The following RABL6 variants were observed in gnomAD, a reference collection of about 807,000 sequenced individuals.
RABL6 encodes the protein RAB, member RAS oncogene family like 6.
In RABL6, 28 loss-of-function variants were observed where a neutral mutation model predicts 72.9. That is an observed-to-expected ratio of 0.38 (90% confidence interval 0.28 to 0.53). The LOEUF is 0.53. RABL6 is among the 20% of genes least tolerant of loss of function. RABL6 has a pLI of 0.80. For missense variants in RABL6, 1,029 were observed against 1,008.4 expected, an observed-to-expected ratio of 1.02 and a Z score of -0.28; for synonymous variants, 477 against 421.2, an observed-to-expected ratio of 1.13 and a Z score of -1.62.
Position 136,839,715 on chromosome 9 carries a change from G to C in RABL6, c.1780G>C (p.Asp594His). The change falls in exon 13 of 15, where the codon GAC (aspartate) becomes CAC (histidine). Residue 594 changes from aspartate (D) to histidine (H), a missense_variant. Coordinates refer to ENST00000311502, the MANE Select transcript of RABL6 (RefSeq NM_024718.5). ...RRADDFPVRD[D>H]PSDVTDEDEG... ...CCAGGATGACTTTCCCGTGCGAGAT[G>C]ACCCCTCCGATGTGACTGACGAGGA... The C allele has an allele frequency of 1.3e-6, 2 of 1,595,554 alleles. No individual in the cohort carries two copies. Among genetic ancestry groups the C allele is most frequent in the Non-Finnish European group, 1.7e-6 (2 of 1,168,612 alleles).
chr9:136,820,013 G>A (rs1386390997), intron 1 of RABL6, among the ~76,000 whole-genome samples: 4 of 152,060 alleles, frequency 2.6e-5, no homozygotes, highest in Non-Finnish European at 5.9e-5. Context: ...GACCAGCCCG[G>A]GCAAAATGGT....
chr9:136,828,269 T>TCCTGTCCAGGCCCGGC (rs1295741950), intron 3 of RABL6: 5 of 541,800 alleles, frequency 9.2e-6, no homozygotes, highest in African/African-American at 7.6e-5. Context: ...AACTAGCACC[T>TCCTGTCCAGGCCCGGC]CCTGTCCAGG....
chr9:136,809,011 C>T (rs976323268), intron 1 of RABL6: 3 of 152,176 alleles, frequency 2.0e-5, no homozygotes, highest in Admixed American at 6.5e-5. Flanking sequence ...TGTAAATTGT[C>T]CTCGACCTCT....
chr9:136,839,225 C>T lies in RABL6; in HGVS notation c.1497C>T (p.Ser499=), dbSNP rs1435753032. The T allele has an allele frequency of 1.1e-5, 18 of 1,598,350 alleles. No individual in the cohort carries two copies. Among genetic ancestry groups the T allele is most frequent in the Non-Finnish European group, 1.4e-5 (17 of 1,172,670 alleles). The change falls in exon 12 of 15, where the codon TCC becomes TCT. Residue 499 remains serine (S), a synonymous_variant. Coordinates refer to ENST00000311502, the MANE Select transcript of RABL6 (RefSeq NM_024718.5). ...GACCCTCTGCTTGTCCACAAAGGTCCTCCATACCAGCTTCGAAGCCACGGA... is the reference window on the plus strand; with the variant it reads ...GACCCTCTGCTTGTCCACAAAGGTCTTCCATACCAGCTTCGAAGCCACGGA... The part of the protein sequence containing the change: ...QQCSEPETKW[S]SIPASKPRRG...
At chr9:136,839,655 G>A (rs1247167436) in intron 12 of RABL6, 39 bp from the exon 13 acceptor site, 1 of 1,554,724 alleles carries the variant, frequency 6.4e-7, no homozygotes, top group Non-Finnish European at 8.7e-7. Flanking sequence ...GGGGGTGTGG[G>A]AGGGATGATG....
At position 136,837,561 on chromosome 9, in the gene RABL6, T is replaced by G; in HGVS notation, c.1025T>G (p.Leu342Arg). The G allele has an allele frequency of 6.5e-7, 1 of 1,535,578 alleles. No homozygotes were observed. Among genetic ancestry groups the G allele is most frequent in the Non-Finnish European group, 8.7e-7 (1 of 1,144,598 alleles). ...SVPPVPPSEA[L>R]PPPACPSAPA... The stretch of plus-strand genomic sequence containing the variant: ...CCCCCTGTACCACCCTCAGAGGCCC[T>G]GCCCCCACCTGCGTGCCCCTCAGCC... Residue 342 changes from leucine (L) to arginine (R), a missense_variant, in exon 9 of 15, where the codon CTG becomes CGG. By Grantham distance (102) the Leu-to-Arg change is moderately radical (BLOSUM62 -2). Coordinates refer to ENST00000311502, the MANE Select transcript of RABL6 (RefSeq NM_024718.5).
At chr9:136,830,395 T>C (rs563999306) in intron 5 of RABL6, among the ~76,000 whole-genome samples, 1 of 152,318 alleles carries the variant, frequency 6.6e-6, no homozygotes, top group East Asian at 1.9e-4. Flanking sequence ...CTCCCAGCCT[T>C]CAGCACCACC....
At chr9:136,835,536 TGCC>T in intron 7 of RABL6, 1 of 537,152 alleles carries the variant, frequency 1.9e-6, no homozygotes, top group South Asian at 2.6e-5. Context: ...GTAGGTGTCG[TGCC>T]GGCCACCGCA....
rs1291390415 is a variant in RABL6 at position 136,818,372 on chromosome 9, A to C, written c.131-5153A>C. On this transcript the variant is annotated intron_variant, in intron 1 of 14. Transcript: ENST00000311502. ...AACCAGACTCTGTCTCAAAAAAAAA[A>C]AAAAAAAAAAAAAAAAAAAAAAAAA... Among the ~76,000 whole-genome samples the C allele has an allele frequency of 1.5e-4, 3 of 19,916 alleles. 1 individual carries two copies. Among genetic ancestry groups the C allele is most frequent in the South Asian group, 4.4e-3 (2 of 452 alleles). The allele number at this position is 19,916 out of a possible 152,430, so 13.1% of individuals were successfully genotyped here.
rs1032414348 is a variant in RABL6 at position 136,839,969 on chromosome 9, G to C, written c.1930+104G>C. On this transcript the variant is annotated intron_variant, in intron 13 of 14. Coordinates refer to ENST00000311502, the MANE Select transcript of RABL6 (RefSeq NM_024718.5). ...GGCCGGGGTCCTCTCCTGAGTCCAG[G>C]ATGCTGTGCCATGCTCCTGGCAGCC... 3 of 1,510,028 alleles carry C rather than the reference G, an allele frequency of 2.0e-6. No individual in the cohort carries two copies. The African/African-American group carries it at 4.1e-5, about 21-fold the overall frequency. 93.5% of individuals were successfully genotyped at this position (1,510,028 alleles called of 1,614,324 possible).
intron 9 of RABL6, 63 bp downstream of exon 9, chr9:136,837,725 C>A: frequency 4.5e-6 from 7 of 1,545,714 alleles, no homozygotes; most frequent in Non-Finnish European, 6.1e-6. Context: ...CAGGTGGGGT[C>A]CTGGATTTCG....
intron 1 of RABL6, among the ~76,000 whole-genome samples, chr9:136,811,147 G>A (rs1351515216): frequency 3.9e-5 from 6 of 152,208 alleles, no homozygotes; most frequent in Admixed American, 1.3e-4. Context: ...ACCATGGCTC[G>A]TGACATAGCC....
At chr9:136,836,943 G>C in intron 8 of RABL6, 1 of 327,070 alleles carries the variant, frequency 3.1e-6, no homozygotes, top group Non-Finnish European at 6.0e-6. Context: ...GTGTGATCTC[G>C]GCTCACCGCA....
At chr9:136,820,200 C>CAAAAAAAAA (rs34975162) in intron 1 of RABL6, among the ~76,000 whole-genome samples, 1 of 77,848 alleles carries the variant, frequency 1.3e-5, no homozygotes. Context: ...CTCCATCTTC[C>CAAAAAAAAA]AAAAAAAAAA....
At chr9:136,822,033 G>A (rs1256028453) in intron 1 of RABL6, 2 of 1,289,624 alleles carry the variant, frequency 1.6e-6, no homozygotes, top group African/African-American at 3.0e-5. Context: ...AGCTTCAGGG[G>A]AGAAGAAATG....
chr9:136,839,656 A>C (rs1384438864), intron 12 of RABL6, 38 bp from the exon 13 acceptor site: 1 of 1,554,168 alleles, frequency 6.4e-7, no homozygotes, highest in South Asian at 1.2e-5. Context: ...GGGGTGTGGG[A>C]GGGATGATGG....
intron 1 of RABL6, 199 bp downstream of exon 1, chr9:136,808,525 C>CAGGGGA: frequency 3.0e-5 from 12 of 398,366 alleles, no homozygotes; most frequent in Non-Finnish European, 4.7e-5. Context: ...TCCTCGCGGC[C>CAGGGGA]CCCGAGCCGC....
At chr9:136,813,626 GT>G (rs1446618755) in intron 1 of RABL6, 2 of 284,720 alleles carry the variant, frequency 7.0e-6, no homozygotes, top group South Asian at 4.3e-5. Context: ...ACACTTTTTT[GT>G]TTTTTGAGCC....
Position 136,837,384 on chromosome 9 carries a change from C to T in RABL6, c.848C>T (p.Ala283Val), listed in dbSNP as rs369093304. 125 of 1,602,104 alleles carry T rather than the reference C, an allele frequency of 7.8e-5. 1 individual carries two copies. Among genetic ancestry groups the T allele is most frequent in the Middle Eastern group, 1.7e-4 (1 of 6,044 alleles). The stretch of plus-strand genomic sequence containing the variant: ...ATGGAGGCTCGCAGCCGTGGCCATG[C>T]GTCCCCACTGGCGGCCAACGGGCAG... ...EMMEARSRGH[A>V]SPLAANGQSP... Residue 283 changes from alanine (A) to valine (V), a missense_variant, in exon 9 of 15, where the codon GCG becomes GTG. By Grantham distance (64) the Ala-to-Val change is moderately conservative (BLOSUM62 0). Coordinates refer to ENST00000311502, the MANE Select transcript of RABL6 (RefSeq NM_024718.5).
Sources: allele counts gnomAD v4.1 joint callset (sites outside exome capture counted in the v4.1 genomes callset), GRCh38; gene constraint gnomAD v4.1.1; transcripts MANE v1.5; gene names NCBI Gene and HGNC (gene_info 2026-07-23, HGNC 2026-07-21).